HEMK2: variants seen among roughly 807,000 people sequenced by gnomAD.
The protein encoded by HEMK2 is methyltransferase HEMK2.
chr21:28,622,160 T>C, the HEMK2 span, among the ~76,000 whole-genome samples: 1 of 152,040 alleles, frequency 6.6e-6, no homozygotes, highest in East Asian at 1.9e-4. Flanking sequence ...TGTGCAAAAA[T>C]TACAAGCATT....
the HEMK2 span, among the ~76,000 whole-genome samples, chr21:28,634,240 G>A: frequency 6.6e-6 from 1 of 152,150 alleles, no homozygotes; most frequent in African/African-American, 2.4e-5. Flanking sequence ...AGCTGATTTG[G>A]AAGGAGACTG....
the HEMK2 span, among the ~76,000 whole-genome samples, chr21:28,705,247 G>C: frequency 1.3e-5 from 2 of 151,490 alleles, no homozygotes; most frequent in African/African-American, 4.9e-5. Flanking sequence ...CCTATACATT[G>C]AAATCTATAT....
chr21:28,810,932 T>C, the HEMK2 span, among the ~76,000 whole-genome samples: 1 of 152,182 alleles, frequency 6.6e-6, no homozygotes, highest in Non-Finnish European at 1.5e-5. Context: ...AGTGTATGCA[T>C]TATTGCAGGT....
At chr21:28,665,421 G>A in the HEMK2 span, among the ~76,000 whole-genome samples, 1 of 65,728 alleles carries the variant, frequency 1.5e-5, no homozygotes, top group Non-Finnish European at 2.7e-5. Flanking sequence ...CTAAGTTTTA[G>A]GGTACATCAC....
the HEMK2 span, among the ~76,000 whole-genome samples, chr21:28,619,915 A>C: frequency 6.6e-6 from 1 of 152,078 alleles, no homozygotes; most frequent in Non-Finnish European, 1.5e-5. Flanking sequence ...GTCTCTTAAA[A>C]CTCTAATGCC....
At chr21:28,808,954 A>T in the HEMK2 span, among the ~76,000 whole-genome samples, 1 of 152,204 alleles carries the variant, frequency 6.6e-6, no homozygotes, top group Admixed American at 6.5e-5. Context: ...GCACTCAAGA[A>T]CAACAGATTA....
At chr21:28,645,930 A>G in the HEMK2 span, among the ~76,000 whole-genome samples, 2 of 152,194 alleles carry the variant, frequency 1.3e-5, no homozygotes, top group African/African-American at 2.4e-5. Context: ...ATCACAGCCC[A>G]AAAGGACCAA....
chr21:28,788,806 C>T, the HEMK2 span, among the ~76,000 whole-genome samples: 1 of 151,716 alleles, frequency 6.6e-6, no homozygotes, highest in Non-Finnish European at 1.5e-5. Flanking sequence ...AGGGTCCTTG[C>T]AGATGTAATC....
the HEMK2 span, among the ~76,000 whole-genome samples, chr21:28,822,302 T>G: frequency 6.6e-6 from 1 of 152,166 alleles, no homozygotes; most frequent in Non-Finnish European, 1.5e-5. Flanking sequence ...CATTCCAAAT[T>G]GAGCAGAATA....
the HEMK2 span, among the ~76,000 whole-genome samples, chr21:28,768,712 T>C: frequency 6.2e-4 from 95 of 152,158 alleles, no homozygotes; most frequent in East Asian, 5.8e-3. Context: ...TTGAAGGTCA[T>C]TGCTCTAAGG....
At chr21:28,885,101 C>A in the HEMK2 span, 2 of 1,392,236 alleles carry the variant, frequency 1.4e-6, no homozygotes, top group Non-Finnish European at 1.9e-6. Flanking sequence ...TGCAAGTGGA[C>A]CCCGCCTGCT....
At chr21:28,602,613 C>A in the HEMK2 span, among the ~76,000 whole-genome samples, 1 of 152,098 alleles carries the variant, frequency 6.6e-6, no homozygotes, top group East Asian at 1.9e-4. Flanking sequence ...AGCTATATAG[C>A]CTTCAGGAAA....
At chr21:28,856,488 T>C in the HEMK2 span, among the ~76,000 whole-genome samples, 14 of 152,092 alleles carry the variant, frequency 9.2e-5, no homozygotes, top group African/African-American at 3.4e-4. Context: ...ATGAAAAATC[T>C]GGTGGTCCAA....
chr21:28,860,675 C>CTG, the HEMK2 span, among the ~76,000 whole-genome samples: 15,580 of 151,644 alleles, frequency 0.1, 1,179 homozygotes, highest in African/African-American at 0.2. Flanking sequence ...AGAGCTGAAA[C>CTG]TGAAAAAACA....
chr21:28,816,403 C>T, the HEMK2 span, among the ~76,000 whole-genome samples: 1 of 152,204 alleles, frequency 6.6e-6, no homozygotes, highest in Non-Finnish European at 1.5e-5. Context: ...GGCACAGTGG[C>T]TCATGCCTGT....
chr21:28,793,455 C>A, the HEMK2 span, among the ~76,000 whole-genome samples: 4 of 107,662 alleles, frequency 3.7e-5, no homozygotes, highest in Non-Finnish European at 6.8e-5. Flanking sequence ...GAAGGAAAAC[C>A]AACTTCACTT....
At chr21:28,805,408 A>G in the HEMK2 span, among the ~76,000 whole-genome samples, 1 of 152,350 alleles carries the variant, frequency 6.6e-6, no homozygotes, top group Admixed American at 6.5e-5. Context: ...GAGCAGGAAG[A>G]CAAACTAATG....
At chr21:28,707,866 C>A in the HEMK2 span, among the ~76,000 whole-genome samples, 2 of 152,068 alleles carry the variant, frequency 1.3e-5, no homozygotes, top group Non-Finnish European at 2.9e-5. Flanking sequence ...TGAATATATA[C>A]AATCTTTATT....
chr21:28,823,737 A>G, the HEMK2 span, among the ~76,000 whole-genome samples: 1 of 152,198 alleles, frequency 6.6e-6, no homozygotes, highest in Non-Finnish European at 1.5e-5. Flanking sequence ...GCACCCTACA[A>G]TCTAAGAGCT....
Sources: gnomAD v4.1 joint callset for allele counts (sites outside exome capture counted in the v4.1 genomes callset) on GRCh38, gnomAD v4.1.1 for gene constraint, MANE v1.5 for transcripts, NCBI Gene and HGNC (gene_info 2026-07-23, HGNC 2026-07-21) for gene names.